The following PDZRN3 variants were observed in gnomAD, a reference collection of about 807,000 sequenced individuals.
PDZRN3 encodes the protein E3 ubiquitin-protein ligase PDZRN3.
Under a neutral mutation model 85.7 loss-of-function variants are expected in PDZRN3, and 38 were observed. That is an observed-to-expected ratio of 0.44 (90% CI 0.34 to 0.58). The LOEUF is 0.58. PDZRN3 is among the 20% of genes least tolerant of loss of function. The probability of loss-of-function intolerance (pLI) is 0.01; values close to 1 mark genes in which losing one functional copy is unlikely to be tolerated. For missense variants in PDZRN3, 1,629 were observed against 1,506.4 expected (o/e 1.08, Z -1.35); for synonymous variants, 759 against 638.0 (o/e 1.19, Z -2.86).
chr3:73,611,561 G>C (rs1275105421), intron 1 of PDZRN3, among the ~76,000 whole-genome samples: 1 of 152,168 alleles, frequency 6.6e-6, no homozygotes, highest in Non-Finnish European at 1.5e-5. Context: ...GCCTATTTTA[G>C]AGTTGATTTA....
intron 3 of PDZRN3, among the ~76,000 whole-genome samples, chr3:73,412,233 T>G (rs1006080278): frequency 2.0e-5 from 3 of 152,220 alleles, no homozygotes; most frequent in African/African-American, 7.2e-5. Context: ...CCGAAGCCTT[T>G]ATGAAGGCCG....
rs1455810516 is a variant in PDZRN3 at position 73,385,754 on chromosome 3, T to C, written c.1550A>G (p.Asn517Ser). 4 of 1,613,520 alleles carry C rather than the reference T, an allele frequency of 2.5e-6. No homozygotes were observed. The highest frequency in any genetic ancestry group is 2.5e-6 in the Non-Finnish European group (3 of 1,179,552). Residue 517 changes from asparagine to serine, a missense_variant, in exon 9 of 10, where the codon AAC becomes AGC. Transcript: ENST00000263666. ...CATGTGCAGGTCATCCAGAAAGTCG[T>C]TCCTGTCATCATCCATCCAGCCCTC... The part of the protein sequence containing the change: ...LDEGWMDDDR[N>S]DFLDDLHMDM...
At chr3:73,426,730 G>A (rs1308674341) in intron 3 of PDZRN3, among the ~76,000 whole-genome samples, 1 of 152,138 alleles carries the variant, frequency 6.6e-6, no homozygotes, top group East Asian at 1.9e-4. Context: ...AACCCACCTG[G>A]AGCCCTTGTG....
chr3:73,555,984 T>G (rs910121759), intron 3 of PDZRN3, among the ~76,000 whole-genome samples: 1 of 152,170 alleles, frequency 6.6e-6, no homozygotes, highest in African/African-American at 2.4e-5. Context: ...AGGCAATAAT[T>G]ACAAAATATG....
At chr3:73,518,747 A>G (rs773748497) in intron 3 of PDZRN3, among the ~76,000 whole-genome samples, 13 of 152,116 alleles carry the variant, frequency 8.5e-5, no homozygotes, top group Non-Finnish European at 1.9e-4. Context: ...CCGTCTTCAC[A>G]TGGTGGAAAG....
chr3:73,469,703 G>A (rs62246084), intron 3 of PDZRN3, among the ~76,000 whole-genome samples: 1 of 151,450 alleles, frequency 6.6e-6, no homozygotes, highest in Non-Finnish European at 1.5e-5. Context: ...TTAAGCTGAT[G>A]GGGTTTTTTT....
At chr3:73,586,241 G>A (rs964500990) in intron 3 of PDZRN3, among the ~76,000 whole-genome samples, 3 of 152,158 alleles carry the variant, frequency 2.0e-5, no homozygotes, top group Non-Finnish European at 4.4e-5. Context: ...CTGGCACTGG[G>A]AGAGATATCT....
chr3:73,600,321 ACACACACACACACACACTCTCTCT>A (rs1368867159), intron 3 of PDZRN3, among the ~76,000 whole-genome samples: 189 of 95,238 alleles, frequency 2.0e-3, no homozygotes, highest in African/African-American at 8.0e-3. Context: ...ACACACACAC[ACACACACACACACACACTCTCTCT>A]CTCTCTCTCT....
chr3:73,555,091 G>T (rs1350004373), intron 3 of PDZRN3, among the ~76,000 whole-genome samples: 1 of 152,126 alleles, frequency 6.6e-6, no homozygotes, highest in Non-Finnish European at 1.5e-5. Flanking sequence ...GCTTTTCAGA[G>T]GCAATTAGGG....
chr3:73,441,411 CAAAAAAAAAA>C (rs10656791), intron 3 of PDZRN3, among the ~76,000 whole-genome samples: 3 of 68,192 alleles, frequency 4.4e-5, no homozygotes, highest in Non-Finnish European at 7.4e-5. Flanking sequence ...GACTCTGTCC[CAAAAAAAAAA>C]AAAAAAAAAA....
chr3:73,436,961 G>A (rs755434031), intron 3 of PDZRN3, among the ~76,000 whole-genome samples: 1 of 150,952 alleles, frequency 6.6e-6, no homozygotes, highest in African/African-American at 2.4e-5. Context: ...CAGGGTAATT[G>A]CTTGAACCCG....
intron 3 of PDZRN3, among the ~76,000 whole-genome samples, chr3:73,597,963 T>G (rs1031939571): frequency 6.6e-6 from 1 of 152,108 alleles, no homozygotes; most frequent in African/African-American, 2.4e-5. Flanking sequence ...CTGGCTGGAC[T>G]TACGAAGAGA....
At chr3:73,466,406 C>G (rs895245002) in intron 3 of PDZRN3, among the ~76,000 whole-genome samples, 1 of 151,494 alleles carries the variant, frequency 6.6e-6, no homozygotes, top group Non-Finnish European at 1.5e-5. Flanking sequence ...TTAATAACAA[C>G]AAAAGCAAGA....
intron 5 of PDZRN3, among the ~76,000 whole-genome samples, chr3:73,395,250 C>T (rs1701611741): frequency 1.3e-5 from 2 of 152,226 alleles, no homozygotes; most frequent in South Asian, 2.1e-4. Context: ...GTGTGACTCT[C>T]ATCTAGTTTT....
At chr3:73,504,192 G>T (rs1248270880) in intron 3 of PDZRN3, among the ~76,000 whole-genome samples, 1 of 152,110 alleles carries the variant, frequency 6.6e-6, no homozygotes, top group Non-Finnish European at 1.5e-5. Flanking sequence ...CAGTTATATG[G>T]TTAAACACAC....
intron 3 of PDZRN3, among the ~76,000 whole-genome samples, chr3:73,458,379 A>G (rs1703031279): frequency 6.6e-6 from 1 of 151,908 alleles, no homozygotes; most frequent in Non-Finnish European, 1.5e-5. Flanking sequence ...CTGCTGCTGA[A>G]GAAAGCCAAG....
In PDZRN3 at chr3:73,597,667, C is replaced by G. The variant is rs950803147; in HGVS notation, c.918+4687G>C. 8.2e-4 allele frequency among the ~76,000 whole-genome samples: 125 copies of G among 151,712 alleles called. 1 individual carries two copies. The highest frequency in any genetic ancestry group is 2.8e-3 in the Admixed American group (43 of 15,248). ...TGGCAAGAAATATAGATGTGGATGG[C>G]CTCTACAAGTCTTTGAGAAAGAATT... On this transcript the variant is annotated intron_variant, in intron 3 of 9. Transcript: ENST00000263666.
chr3:73,482,045 T>C (rs1001523446), intron 3 of PDZRN3, among the ~76,000 whole-genome samples: 1 of 152,142 alleles, frequency 6.6e-6, no homozygotes, highest in African/African-American at 2.4e-5. Context: ...CTTTGATAGA[T>C]TGACAGTGGC....
chr3:73,431,269 G>A (rs140275380), intron 3 of PDZRN3, among the ~76,000 whole-genome samples: 1 of 152,302 alleles, frequency 6.6e-6, no homozygotes, highest in East Asian at 1.9e-4. Context: ...TGAGGTATGT[G>A]TGCAACAAGA....
Sources: gnomAD v4.1 joint callset for allele counts (sites outside exome capture counted in the v4.1 genomes callset) on GRCh38, gnomAD v4.1.1 for gene constraint, MANE v1.5 for transcripts, NCBI Gene and HGNC (gene_info 2026-07-23, HGNC 2026-07-21) for gene names.